CKAP5: variants seen among roughly 807,000 people sequenced by gnomAD.
CKAP5 encodes the protein cytoskeleton associated protein 5.
In CKAP5, 27 loss-of-function variants were observed where a neutral mutation model predicts 232.8. The observed-to-expected ratio is 0.12, with a 90% CI of 0.09 to 0.16. The LOEUF is 0.16. Ranked by LOEUF, CKAP5 falls within the 10% of genes least tolerant of loss-of-function variation. CKAP5 has a pLI of 1.00. For synonymous variants in CKAP5, 785 were observed against 841.1 expected, an observed-to-expected ratio of 0.93 and a Z score of 1.16; for missense variants, 1,838 against 2,424.7, an observed-to-expected ratio of 0.76 and a Z score of 5.08.
At chr11:46,779,311 T>C (rs2065318585) in intron 20 of CKAP5, among the ~76,000 whole-genome samples, 1 of 152,080 alleles carries the variant, frequency 6.6e-6, no homozygotes. Flanking sequence ...TTTTGTATTT[T>C]TAGTAGAGAT....
intron 1 of CKAP5, among the ~76,000 whole-genome samples, chr11:46,838,787 C>T (rs1939978491): frequency 1.1e-5 from 1 of 88,164 alleles, no homozygotes; most frequent in African/African-American, 4.6e-5. Context: ...GAGTGGGACC[C>T]CATCTCAAAA....
chr11:46,811,941 C>A (rs1939283239), intron 4 of CKAP5, among the ~76,000 whole-genome samples: 2 of 152,118 alleles, frequency 1.3e-5, no homozygotes, highest in Admixed American at 1.3e-4. Context: ...ATATTTTGTT[C>A]CTGACTTTGT....
intron 1 of CKAP5, among the ~76,000 whole-genome samples, chr11:46,828,684 T>C (rs1468789896): frequency 2.0e-5 from 3 of 152,218 alleles, no homozygotes; most frequent in Non-Finnish European, 2.9e-5. Flanking sequence ...AAATGGATAA[T>C]ACCCTGTGCT....
intron 35 of CKAP5, among the ~76,000 whole-genome samples, chr11:46,755,682 ACT>A (rs1222274727): frequency 6.6e-6 from 1 of 151,848 alleles, no homozygotes; most frequent in Non-Finnish European, 1.5e-5. Context: ...TAATCCCAGC[ACT>A]TTGGGAGGCC....
intron 8 of CKAP5, among the ~76,000 whole-genome samples, chr11:46,802,549 G>GAGAC (rs1555165920): frequency 8.2e-5 from 10 of 122,340 alleles, no homozygotes; most frequent in Admixed American, 3.1e-4. Context: ...CAGACAGACA[G>GAGAC]ACAGACAGAC....
In CKAP5 at chr11:46,801,247, C is replaced by T; in HGVS notation, c.1036G>A (p.Gly346Ser). 1 of 1,613,858 alleles carries T rather than the reference C, an allele frequency of 6.2e-7. No homozygotes were observed. The highest frequency in any genetic ancestry group is 8.5e-7 in the Non-Finnish European group (1 of 1,179,780). The change falls in exon 9 of 44, where the codon GGC becomes AGC. Residue 346 changes from glycine to serine, a missense_variant. This residue lies in a region of CKAP5 where 97 missense variants were observed against 167.7 expected (regional missense o/e 0.58). Transcript: ENST00000529230. ...TTCTTCCTTAGCCCAACAGCCAGGC[C>T]AGTAAGACATTTTGCTGCCAAAGCC... ...LVALAAKCLT[G>S]LAVGLRKKFG...
At chr11:46,785,859 C>CCAGCT (rs2065387664) in intron 16 of CKAP5, among the ~76,000 whole-genome samples, 1 of 152,170 alleles carries the variant, frequency 6.6e-6, no homozygotes, top group Admixed American at 6.5e-5. Flanking sequence ...GTGGGAGGAT[C>CCAGCT]ACTTGAACCC....
chr11:46,778,555 C>T lies in CKAP5; in HGVS notation c.2478G>A (p.Lys826=), dbSNP rs1199755932. 1 of 1,614,008 alleles carries T rather than the reference C, an allele frequency of 6.2e-7. No individual in the cohort carries two copies. The highest frequency in any genetic ancestry group is 1.1e-5 in the South Asian group (1 of 91,078). ...SPPAPTRGIS[K]HSTSGTDEGE... ...CTTCATCTGTACCACTTGTGCTATG[C>T]TTGGAAATTCCTCTGGTTGGAGCAG... The change falls in exon 21 of 44, where the codon AAG becomes AAA. Residue 826 remains lysine, a synonymous_variant. Coordinates refer to ENST00000529230, the MANE Select transcript of CKAP5 (RefSeq NM_001008938.4).
rs1375634621 is a variant in CKAP5 at position 46,808,147 on chromosome 11, G to A, written c.865-3C>T. On this transcript the variant is annotated splice_polypyrimidine_tract_variant and splice_region_variant and intron_variant, in intron 7 of 43. Transcript: ENST00000529230. ...CTCTCTTGCCATTTTTTTGCCTCCT[G>A]CAAGATACAATATGAGTCATTTGTA... The A allele has an allele frequency of 6.3e-7, 1 of 1,581,724 alleles. No individual in the cohort carries two copies. The highest frequency in any genetic ancestry group is 1.1e-5 in the South Asian group (1 of 90,044).
intron 16 of CKAP5, among the ~76,000 whole-genome samples, chr11:46,785,715 C>T (rs1057485578): frequency 6.6e-6 from 1 of 152,132 alleles, no homozygotes; most frequent in South Asian, 2.1e-4. Flanking sequence ...TAGGTTGAGT[C>T]GAGGGGAATG....
chr11:46,751,795 T>G (rs1401970057), intron 38 of CKAP5, among the ~76,000 whole-genome samples: 1 of 152,174 alleles, frequency 6.6e-6, no homozygotes, highest in Non-Finnish European at 1.5e-5. Context: ...GGGCCATCAT[T>G]TAACCTGGTA....
At chr11:46,799,949 T>C (rs939267290) in intron 9 of CKAP5, among the ~76,000 whole-genome samples, 1 of 151,710 alleles carries the variant, frequency 6.6e-6, no homozygotes, top group Non-Finnish European at 1.5e-5. Context: ...TGCAGTGAAC[T>C]GAGATGGTGC....
At chr11:46,773,766 ACC>A (rs915275782) in intron 24 of CKAP5, among the ~76,000 whole-genome samples, 1 of 148,060 alleles carries the variant, frequency 6.8e-6, no homozygotes, top group Non-Finnish European at 1.5e-5. Context: ...CTGGTCTCCA[ACC>A]CCTGATCTCA....
Position 46,754,297 on chromosome 11 carries a change from A to G in CKAP5, c.4869+591T>C, listed in dbSNP as rs115460599. Among the ~76,000 whole-genome samples the G allele has an allele frequency of 7.3e-3, 1,107 of 152,270 alleles. 21 individuals carry two copies. Among genetic ancestry groups the G allele is most frequent in the African/African-American group, 0.025 (1,059 of 41,556 alleles). ...TAGGTGTGAGCCACTGTGCCTGGCC[A>G]AAGTATTTGTTTTTACATGTGAAAT... On this transcript the variant is annotated intron_variant, in intron 36 of 43. Coordinates refer to ENST00000529230, the MANE Select transcript of CKAP5 (RefSeq NM_001008938.4).
At position 46,762,091 on chromosome 11, in the gene CKAP5, T is replaced by C; in HGVS notation, c.4130A>G (p.Asp1377Gly). Residue 1377 changes from aspartate to glycine, a missense_variant, in exon 32 of 44, where the codon GAC becomes GGC. By Grantham distance (94) the Asp-to-Gly change is moderately conservative. Around this residue, in one of 6 missense-constraint regions of CKAP5, gnomAD observed 579 missense variants for 843.2 expected, o/e 0.69. Coordinates refer to ENST00000529230, the MANE Select transcript of CKAP5 (RefSeq NM_001008938.4). ...AGCATTGCGTACAGCATTGTCACGG[T>C]CTCCTATGTGAACAGCTATTTCCTT... ...ALKEIAVHIG[D>G]RDNAVRNAAL... The C allele has an allele frequency of 6.2e-7, 1 of 1,614,148 alleles. No individual in the cohort carries two copies. Among genetic ancestry groups the C allele is most frequent in the Non-Finnish European group, 8.5e-7 (1 of 1,179,982 alleles).
chr11:46,809,139 G>A (rs1400284535), intron 7 of CKAP5, among the ~76,000 whole-genome samples: 2 of 152,172 alleles, frequency 1.3e-5, no homozygotes, highest in Non-Finnish European at 2.9e-5. Flanking sequence ...GCTCTTTAGT[G>A]TTAAAAACCA....
intron 2 of CKAP5, 70 bp downstream of exon 2, chr11:46,821,105 T>A (rs1939512947): frequency 9.4e-7 from 1 of 1,062,782 alleles, no homozygotes; most frequent in African/African-American, 1.6e-5. Flanking sequence ...CACTTCTAAG[T>A]AAGATGATAG....
At chr11:46,788,849 G>T (rs2065421607) in intron 15 of CKAP5, 76 bp from the exon 16 acceptor site, 1 of 1,021,196 alleles carries the variant, frequency 9.8e-7, no homozygotes, top group Non-Finnish European at 1.5e-6. Context: ...CCAAAGTCAA[G>T]TAAGTGGTTA....
intron 35 of CKAP5, among the ~76,000 whole-genome samples, chr11:46,755,702 G>A (rs2065105492): frequency 6.6e-6 from 1 of 151,948 alleles, no homozygotes. Flanking sequence ...GCCAAGGTAG[G>A]TGAGTCACTT....
Sources: allele counts gnomAD v4.1 joint callset (sites outside exome capture counted in the v4.1 genomes callset), GRCh38; gene constraint gnomAD v4.1.1; regional missense constraint gnomAD v4.1.1; transcripts MANE v1.5; gene names NCBI Gene and HGNC (gene_info 2026-07-23, HGNC 2026-07-21).